The following RNF150 variants were observed in gnomAD, a reference collection of about 807,000 sequenced individuals.
The protein encoded by RNF150 is ring finger protein 150.
RNF150 carries 24 observed loss-of-function variants against 39.3 expected under a neutral mutation model. The observed-to-expected ratio is 0.61, with a 90% CI of 0.44 to 0.86. The LOEUF (loss-of-function observed/expected upper bound fraction) is 0.86. Ranked by LOEUF, RNF150 falls within the 40% of genes least tolerant of loss-of-function variation. The pLI is 0.00. For synonymous variants in RNF150, 255 were observed against 227.3 expected, an observed-to-expected ratio of 1.12 and a Z score of -1.10; for missense variants, 502 against 587.8, an observed-to-expected ratio of 0.85 and a Z score of 1.51.
chr4:141,211,759 A>G (rs1305730639), intron 1 of RNF150, among the ~76,000 whole-genome samples: 1 of 152,016 alleles, frequency 6.6e-6, no homozygotes, highest in Non-Finnish European at 1.5e-5. Flanking sequence ...ATTCAAAATT[A>G]ACAGTAAATG....
intron 1 of RNF150, among the ~76,000 whole-genome samples, chr4:141,074,603 A>T (rs79833050): frequency 1.3e-5 from 2 of 152,120 alleles, no homozygotes; most frequent in African/African-American, 4.8e-5. Context: ...CCCAGAGGCT[A>T]GGACTGGTCT....
chr4:141,090,036 CA>C (rs1738520409), intron 1 of RNF150, among the ~76,000 whole-genome samples: 2 of 152,176 alleles, frequency 1.3e-5, no homozygotes, highest in Admixed American at 1.3e-4. Flanking sequence ...TGAAAAAAAT[CA>C]GCATCTTCCA....
intron 1 of RNF150, among the ~76,000 whole-genome samples, chr4:141,060,179 G>T (rs550850865): frequency 6.6e-6 from 1 of 152,200 alleles, no homozygotes; most frequent in Non-Finnish European, 1.5e-5. Flanking sequence ...AGTGGCTCAC[G>T]CCTGTAATCC....
chr4:140,891,872 T>G (rs1729766253), intron 6 of RNF150, among the ~76,000 whole-genome samples: 1 of 152,096 alleles, frequency 6.6e-6, no homozygotes, highest in South Asian at 2.1e-4. Flanking sequence ...TATTGTGAAC[T>G]GTGCATATGA....
At chr4:141,004,340 G>C (rs1267477652) in intron 1 of RNF150, among the ~76,000 whole-genome samples, 2 of 152,158 alleles carry the variant, frequency 1.3e-5, no homozygotes, top group Non-Finnish European at 2.9e-5. Context: ...GCCTGATGTA[G>C]GGTTAGGAGT....
At chr4:140,992,203 T>C (rs1734217589) in intron 1 of RNF150, among the ~76,000 whole-genome samples, 1 of 152,020 alleles carries the variant, frequency 6.6e-6, no homozygotes, top group Non-Finnish European at 1.5e-5. Context: ...GATAATTAGA[T>C]AAAGAGTTAA....
chr4:141,126,689 C>T (rs1726764101), intron 1 of RNF150, among the ~76,000 whole-genome samples: 2 of 152,100 alleles, frequency 1.3e-5, no homozygotes, highest in South Asian at 4.2e-4. Context: ...AATGCAGGCC[C>T]CAGTTACTGG....
chr4:140,975,935 G>A (rs1016451969), intron 1 of RNF150, among the ~76,000 whole-genome samples: 4 of 152,170 alleles, frequency 2.6e-5, no homozygotes, highest in African/African-American at 7.2e-5. Context: ...TTCGATCATC[G>A]AATCCAACAT....
intron 1 of RNF150, among the ~76,000 whole-genome samples, chr4:140,974,758 C>A (rs17343501): frequency 0.27 from 41,129 of 152,042 alleles, 6,321 homozygotes; most frequent in African/African-American, 0.42. Context: ...TGAGTGACTT[C>A]TAATTTTTGA....
At chr4:141,020,105 T>C (rs1024863913) in intron 1 of RNF150, among the ~76,000 whole-genome samples, 1 of 151,924 alleles carries the variant, frequency 6.6e-6, no homozygotes, top group South Asian at 2.1e-4. Flanking sequence ...GTTTGATATT[T>C]TTTTTTTCAT....
intron 4 of RNF150, among the ~76,000 whole-genome samples, chr4:140,946,269 T>C (rs1276202065): frequency 6.6e-6 from 1 of 152,176 alleles, no homozygotes; most frequent in East Asian, 1.9e-4. Flanking sequence ...CCCTTGGGAG[T>C]TTATGCATCA....
At chr4:141,000,287 A>C (rs540054522) in intron 1 of RNF150, among the ~76,000 whole-genome samples, 1 of 152,306 alleles carries the variant, frequency 6.6e-6, no homozygotes, top group East Asian at 1.9e-4. Flanking sequence ...AAAATGTTAT[A>C]TGCAGAAGTA....
intron 1 of RNF150, among the ~76,000 whole-genome samples, chr4:141,045,692 C>T (rs1578665746): frequency 1.3e-5 from 2 of 151,920 alleles, no homozygotes; most frequent in East Asian, 3.9e-4. Context: ...TACAGGCGTC[C>T]ACCACCATGT....
intron 1 of RNF150, among the ~76,000 whole-genome samples, chr4:141,154,778 A>G (rs750352750): frequency 2.6e-5 from 4 of 152,208 alleles, no homozygotes; most frequent in Non-Finnish European, 5.9e-5. Context: ...AAAGAACACA[A>G]ATTGGTAGAG....
intron 1 of RNF150, among the ~76,000 whole-genome samples, chr4:141,188,755 TTTGTCAAGGTTCTTATCTTCC>T (rs1728056627): frequency 6.6e-6 from 1 of 152,232 alleles, no homozygotes; most frequent in Admixed American, 6.5e-5. Context: ...CCTGTAACCT[TTTGTCAAGGTTCTTATCTTCC>T]TTGTCAAGGT....
At chr4:140,921,760 C>T (rs1315167485) in intron 5 of RNF150, among the ~76,000 whole-genome samples, 3 of 152,136 alleles carry the variant, frequency 2.0e-5, no homozygotes, top group Non-Finnish European at 4.4e-5. Context: ...CATCAAAAAG[C>T]TTATCCACTA....
At chr4:141,025,598 T>C (rs1189808810) in intron 1 of RNF150, among the ~76,000 whole-genome samples, 3 of 151,966 alleles carry the variant, frequency 2.0e-5, no homozygotes, top group African/African-American at 7.2e-5. Context: ...TAGAAATAAA[T>C]TTATTTAAAA....
chr4:140,982,670 G>A (rs1733898664), intron 1 of RNF150, among the ~76,000 whole-genome samples: 1 of 152,072 alleles, frequency 6.6e-6, no homozygotes, highest in Non-Finnish European at 1.5e-5. Flanking sequence ...CAGAAAACAT[G>A]TCCCTGGTGA....
At position 141,112,698 on chromosome 4, in the gene RNF150, C is replaced by A. The variant is rs1014364850; in HGVS notation, c.484+19627G>T. ...AACCTTGGTAAATCTGATGATTATG[C>A]GTCTTGGGGTTGCTCTTCTTGAGGA... On this transcript the variant is annotated intron_variant, in intron 1 of 6. Transcript: ENST00000515673. 2.6e-5 allele frequency among the ~76,000 whole-genome samples: 4 copies of A among 152,040 alleles called. No individual in the cohort carries two copies. In the East Asian group the frequency reaches 7.7e-4, roughly 29 times the overall value.
Sources: gnomAD v4.1 joint callset for allele counts (sites outside exome capture counted in the v4.1 genomes callset) on GRCh38, gnomAD v4.1.1 for gene constraint, MANE v1.5 for transcripts, NCBI Gene and HGNC (gene_info 2026-07-23, HGNC 2026-07-21) for gene names.